Variants in VPS37A observed in about 807,000 individuals in gnomAD.
The protein encoded by VPS37A is vacuolar protein sorting-associated protein 37A.
Under a neutral mutation model 49.8 loss-of-function variants are expected in VPS37A, and 30 were observed. That is an observed-to-expected ratio of 0.60 (90% CI 0.45 to 0.82). VPS37A has a LOEUF of 0.82. Ranked by LOEUF, VPS37A falls within the 40% of genes least tolerant of loss-of-function variation. The pLI is 0.00. For missense variants in VPS37A, 593 were observed against 464.4 expected (o/e 1.28, Z -2.55); for synonymous variants, 195 against 160.6 (o/e 1.21, Z -1.62).
chr8:17,309,764 G>T, the VPS37A span, among the ~76,000 whole-genome samples: 1 of 152,154 alleles, frequency 6.6e-6, no homozygotes, highest in Non-Finnish European at 1.5e-5. Flanking sequence ...CTCAACCAAT[G>T]TGTGATGCTG....
At chr8:17,272,653 C>G (rs1563263067) in intron 4 of VPS37A, among the ~76,000 whole-genome samples, 1 of 152,168 alleles carries the variant, frequency 6.6e-6, no homozygotes, top group Admixed American at 6.5e-5. Flanking sequence ...AATACTCTCT[C>G]ATGTTGGTTT....
At chr8:17,293,615 TGTTG>T (rs1816343601) in intron 11 of VPS37A, among the ~76,000 whole-genome samples, 2 of 152,212 alleles carry the variant, frequency 1.3e-5, no homozygotes, top group African/African-American at 4.8e-5. Flanking sequence ...TGTTCTTTGT[TGTTG>T]GTGACCTTCG....
At chr8:17,318,464 G>A in the VPS37A span, among the ~76,000 whole-genome samples, 1 of 152,162 alleles carries the variant, frequency 6.6e-6, no homozygotes, top group Non-Finnish European at 1.5e-5. Flanking sequence ...CAGTCATCTG[G>A]AACAGGCTTT....
At chr8:17,287,800 G>T (rs1815751467) in intron 11 of VPS37A, among the ~76,000 whole-genome samples, 6 of 152,166 alleles carry the variant, frequency 3.9e-5, no homozygotes, top group Admixed American at 3.9e-4. Flanking sequence ...TTCCCTGGAA[G>T]AGTAACTGAC....
At position 17,277,861 on chromosome 8, in the gene VPS37A, TACACACACACAC is replaced by T. The variant is rs67718316; in HGVS notation, c.713+1424_713+1435del. On this transcript the variant is annotated intron_variant, in intron 6 of 11. Transcript: ENST00000324849. ...ATTTCTCCCCAACTTTTCTCTTTTA[TACACACACACAC>T]ACACACACACACACACACACACACA... Among the ~76,000 whole-genome samples the T allele has an allele frequency of 5.6e-3, 783 of 140,986 alleles. 8 individuals are homozygous for T. Among genetic ancestry groups the T allele is most frequent in the African/African-American group, 0.019 (719 of 38,220 alleles). The allele number at this position is 140,986 out of a possible 152,430, so 92.5% of individuals were successfully genotyped here.
chr8:17,305,779 G>A, downstream of VPS37A: 1 of 1,612,412 alleles, frequency 6.2e-7, no homozygotes, highest in Non-Finnish European at 8.5e-7. Flanking sequence ...CTCTCCTTTT[G>A]GCTGTTACAT....
rs755141290 is a variant in VPS37A at position 17,280,323 on chromosome 8, A to G, written c.900+26A>G. The G allele has an allele frequency of 3.7e-6, 6 of 1,604,106 alleles. No homozygotes were observed. The African/African-American group carries it at 8.1e-5, about 22-fold the overall frequency. ...GTGAGTTAGTGATAATTTTGAAGAA[A>G]TTTACATAATTTAAAAATAGAATAA... is the stretch of plus-strand genomic sequence containing the variant. On this transcript the variant is annotated intron_variant, in intron 8 of 11. Coordinates refer to ENST00000324849, the MANE Select transcript of VPS37A (RefSeq NM_152415.3).
At chr8:17,270,311 C>G (rs1369864616) in intron 4 of VPS37A, among the ~76,000 whole-genome samples, 1 of 152,168 alleles carries the variant, frequency 6.6e-6, no homozygotes, top group African/African-American at 2.4e-5. Flanking sequence ...TTATAAGAAT[C>G]TACCATTTGG....
chr8:17,313,835 C>T, the VPS37A span, among the ~76,000 whole-genome samples: 1 of 152,206 alleles, frequency 6.6e-6, no homozygotes, highest in Non-Finnish European at 1.5e-5. Flanking sequence ...CCAACCACTT[C>T]AGATTAGGAC....
downstream of VPS37A, chr8:17,300,029 T>A (rs760356800): frequency 6.2e-7 from 1 of 1,614,108 alleles, no homozygotes; most frequent in Non-Finnish European, 8.5e-7. Context: ...TTGTCTTGGG[T>A]TAGAATCAGA....
chr8:17,315,420 A>G, the VPS37A span, among the ~76,000 whole-genome samples: 2 of 151,958 alleles, frequency 1.3e-5, no homozygotes, highest in Non-Finnish European at 2.9e-5. Flanking sequence ...TAAACGTGTC[A>G]AAACCCACAG....
intron 1 of VPS37A, among the ~76,000 whole-genome samples, chr8:17,263,223 CA>C (rs1199843709): frequency 6.7e-6 from 1 of 150,374 alleles, no homozygotes; most frequent in Non-Finnish European, 1.5e-5. Context: ...GATTATAGAG[CA>C]ATATGTTTAC....
At chr8:17,276,347 C>G (rs188566317) in intron 5 of VPS37A, 50 bp from the exon 6 acceptor site, 9 of 1,415,150 alleles carry the variant, frequency 6.4e-6, no homozygotes, top group Admixed American at 1.8e-5. Context: ...TAATTGAGAG[C>G]AGTCAAAAAT....
At chr8:17,313,544 C>G in the VPS37A span, 7 of 550,076 alleles carry the variant, frequency 1.3e-5, no homozygotes, top group Non-Finnish European at 2.2e-5. Flanking sequence ...AAATAAATAC[C>G]CACGTTTACT....
At chr8:17,271,125 G>A (rs1318689125) in intron 4 of VPS37A, among the ~76,000 whole-genome samples, 1 of 152,168 alleles carries the variant, frequency 6.6e-6, no homozygotes, top group Non-Finnish European at 1.5e-5. Flanking sequence ...TCTTCATAGA[G>A]TAATTTTCGT....
the VPS37A span, among the ~76,000 whole-genome samples, chr8:17,320,999 T>G: frequency 1.4e-5 from 1 of 73,074 alleles, no homozygotes; most frequent in Non-Finnish European, 2.4e-5. Flanking sequence ...TCTTGCAGTC[T>G]TTTTTTTTAC....
At position 17,284,757 on chromosome 8, in the gene VPS37A, A is replaced by C. The variant is rs1012256078; in HGVS notation, c.1113+141A>C. The C allele has an allele frequency of 6.3e-6, 7 of 1,113,540 alleles. No individual in the cohort carries two copies. The South Asian group carries it at 1.1e-4, about 17-fold the overall frequency. The allele number at this position is 1,113,540 out of a possible 1,614,324, so 69.0% of individuals were successfully genotyped here. Reference sequence around the variant, plus strand: ...TGTACAATATATTTACCTGAAAGGAAGGTTTCTATTCCTTGGGTGTGGACT... The same window carrying C: ...TGTACAATATATTTACCTGAAAGGACGGTTTCTATTCCTTGGGTGTGGACT... On this transcript the variant is annotated intron_variant, in intron 10 of 11. Transcript: ENST00000324849.
At chr8:17,276,720 T>G (rs1401784016) in intron 6 of VPS37A, among the ~76,000 whole-genome samples, 2 of 152,112 alleles carry the variant, frequency 1.3e-5, no homozygotes, top group Non-Finnish European at 2.9e-5. Flanking sequence ...ACAAAATCCT[T>G]TCTGTCATGT....
chr8:17,306,599 A>G (rs1254315058), downstream of VPS37A, among the ~76,000 whole-genome samples: 1 of 152,114 alleles, frequency 6.6e-6, no homozygotes, highest in Non-Finnish European at 1.5e-5. Context: ...AGCCCTTTAC[A>G]CTACTGTGTG....
Sources: allele counts gnomAD v4.1 joint callset (sites outside exome capture counted in the v4.1 genomes callset), GRCh38; gene constraint gnomAD v4.1.1; transcripts MANE v1.5; gene names NCBI Gene and HGNC (gene_info 2026-07-23, HGNC 2026-07-21).